THSD7B: variants seen among roughly 807,000 people sequenced by gnomAD.
THSD7B encodes thrombospondin type 1 domain containing 7B, also known as thrombospondin type-1 domain-containing protein 7B.
In THSD7B, 138 loss-of-function variants were observed where a neutral mutation model predicts 213.6. The observed-to-expected ratio is 0.65, with a 90% CI of 0.56 to 0.74. The LOEUF (loss-of-function observed/expected upper bound fraction) is 0.74. Among genes scored for constraint, THSD7B ranks in the 30% least tolerant of loss-of-function variants. THSD7B has a pLI of 0.00. For synonymous variants in THSD7B, 742 were observed against 687.0 expected (o/e 1.08, Z -1.25); for missense variants, 1,931 against 1,991.5 (o/e 0.97, Z 0.58).
chr2:137,434,626 G>A (rs10200550), intron 14 of THSD7B, among the ~76,000 whole-genome samples: 9,595 of 152,264 alleles, frequency 0.063, 963 homozygotes, highest in African/African-American at 0.21. Context: ...GCATGACAAT[G>A]TGGGGATGTA....
intron 2 of THSD7B, among the ~76,000 whole-genome samples, chr2:137,030,106 CGTGCATGA>C (rs1451309634): frequency 4.6e-5 from 7 of 151,746 alleles, no homozygotes; most frequent in Non-Finnish European, 8.8e-5. Flanking sequence ...TGTGTGGGTG[CGTGCATGA>C]GTGCATGAGT....
At chr2:137,448,748 G>A (rs1275716346) in intron 14 of THSD7B, among the ~76,000 whole-genome samples, 3 of 151,946 alleles carry the variant, frequency 2.0e-5, no homozygotes, top group African/African-American at 7.3e-5. Flanking sequence ...GCAGTGAGCC[G>A]AGATTGCGCC....
At chr2:137,066,920 C>T (rs1218407381) in intron 3 of THSD7B, among the ~76,000 whole-genome samples, 1 of 152,062 alleles carries the variant, frequency 6.6e-6, no homozygotes, top group Non-Finnish European at 1.5e-5. Context: ...TTAGAAGTTG[C>T]TATTGACATT....
At chr2:137,256,567 A>G (rs951004448) in intron 10 of THSD7B, among the ~76,000 whole-genome samples, 1 of 152,232 alleles carries the variant, frequency 6.6e-6, no homozygotes, top group Non-Finnish European at 1.5e-5. Context: ...ATATGGGGGA[A>G]TGATAAGAAA....
rs536377110 is a variant in THSD7B at position 137,554,844 on chromosome 2, C to T, written c.3139-8377C>T. Among the ~76,000 whole-genome samples, 15 of 152,258 alleles carry T rather than the reference C, an allele frequency of 9.9e-5. No individual in the cohort carries two copies. The South Asian group carries it at 3.1e-3, about 32-fold the overall frequency. ...AGGCACTTGGAAAATCGGGTCACTC[C>T]CACCTTAATACTGCACTTTTCCAAT... On this transcript the variant is annotated intron_variant, in intron 15 of 27. Coordinates refer to ENST00000409968, the MANE Select transcript of THSD7B (RefSeq NM_001316349.2).
rs1685207273 is a variant in THSD7B at position 136,960,985 on chromosome 2, A to C, written c.139+78668A>C. 2.8e-5 allele frequency among the ~76,000 whole-genome samples: 4 copies of C among 141,144 alleles called. 1 individual carries two copies. In the South Asian group the frequency reaches 1.0e-3, roughly 36 times the overall value. 92.6% of individuals were successfully genotyped at this position (141,144 alleles called of 152,430 possible). Reference sequence around the variant, plus strand: ...GCGCCTGTGGTCCCAGCTACTTGGGAGGCTGAGGTAGAAGAATGGCGTGAA... The same window carrying C: ...GCGCCTGTGGTCCCAGCTACTTGGGCGGCTGAGGTAGAAGAATGGCGTGAA... On this transcript the variant is annotated intron_variant, in intron 2 of 27. Coordinates refer to ENST00000409968, the MANE Select transcript of THSD7B (RefSeq NM_001316349.2).
intron 6 of THSD7B, among the ~76,000 whole-genome samples, chr2:137,167,483 G>T (rs1680160211): frequency 6.6e-6 from 1 of 152,054 alleles, no homozygotes; most frequent in South Asian, 2.1e-4. Flanking sequence ...CATTGCCTGT[G>T]GATAGCTCAT....
chr2:137,550,451 A>T (rs139063633), intron 15 of THSD7B, among the ~76,000 whole-genome samples: 159 of 152,280 alleles, frequency 1.0e-3, no homozygotes, highest in African/African-American at 3.6e-3. Context: ...TATAGGGGGA[A>T]ATATAATATT....
At chr2:137,520,148 GT>G (rs886224164) in intron 15 of THSD7B, among the ~76,000 whole-genome samples, 2 of 152,034 alleles carry the variant, frequency 1.3e-5, no homozygotes, top group African/African-American at 4.8e-5. Flanking sequence ...TTCTGTTTTT[GT>G]TTTTTTCACA....
At chr2:137,339,099 A>AT (rs977464865) in intron 12 of THSD7B, among the ~76,000 whole-genome samples, 6 of 151,930 alleles carry the variant, frequency 3.9e-5, no homozygotes, top group African/African-American at 1.5e-4. Flanking sequence ...GAATAAATAC[A>AT]TTTTTTTCTG....
intron 3 of THSD7B, among the ~76,000 whole-genome samples, chr2:137,059,658 TCACTTTGCAATACGCATTTAAGTTTGTTC>T (rs376170426): frequency 1.4e-3 from 212 of 152,294 alleles, no homozygotes; most frequent in African/African-American, 5.0e-3. Context: ...TTGACTTATT[TCACTTTGCAATACGCATTTAAGTTTGTTC>T]CATGTCTGTT....
At chr2:137,590,329 A>C (rs1681835907) in intron 17 of THSD7B, among the ~76,000 whole-genome samples, 1 of 152,228 alleles carries the variant, frequency 6.6e-6, no homozygotes, top group African/African-American at 2.4e-5. Flanking sequence ...TTTATGAGCT[A>C]GAACCATGGG....
chr2:137,377,049 T>C (rs577916077), intron 12 of THSD7B, among the ~76,000 whole-genome samples: 2 of 152,326 alleles, frequency 1.3e-5, no homozygotes, highest in African/African-American at 2.4e-5. Context: ...TAATCACCAT[T>C]CAATGCTTAC....
chr2:137,540,650 C>T (rs116884736), intron 15 of THSD7B, among the ~76,000 whole-genome samples: 1 of 151,848 alleles, frequency 6.6e-6, no homozygotes, highest in East Asian at 2.0e-4. Context: ...TTTGACCTGA[C>T]TCCAAGCTGG....
chr2:137,128,980 A>AT (rs982362002), intron 5 of THSD7B, among the ~76,000 whole-genome samples: 1 of 152,060 alleles, frequency 6.6e-6, no homozygotes, highest in African/African-American at 2.4e-5. Flanking sequence ...ACTCTAATTG[A>AT]TTTTTTATAG....
chr2:136,781,498 C>G (rs966812800), intron 1 of THSD7B, among the ~76,000 whole-genome samples: 6 of 151,670 alleles, frequency 4.0e-5, no homozygotes, highest in Admixed American at 2.6e-4. Flanking sequence ...TCTTGAACTC[C>G]TGACCTCAGA....
Position 136,959,359 on chromosome 2 carries a change from A to G in THSD7B, c.139+77042A>G, listed in dbSNP as rs74449264. Among the ~76,000 whole-genome samples, 635 of 152,302 alleles carry G rather than the reference A, an allele frequency of 4.2e-3. 7 individuals carry two copies. Among genetic ancestry groups the G allele is most frequent in the African/African-American group, 0.014 (576 of 41,542 alleles). On this transcript the variant is annotated intron_variant, in intron 2 of 27. Transcript: ENST00000409968. Reference sequence around the variant, plus strand: ...AGTAGCTTAGCAGTCATTCACTCCCATTTATAGCATATGTCAAAGTCAGTT... The same window carrying G: ...AGTAGCTTAGCAGTCATTCACTCCCGTTTATAGCATATGTCAAAGTCAGTT...
intron 24 of THSD7B, among the ~76,000 whole-genome samples, chr2:137,657,904 G>C (rs1323691363): frequency 6.6e-6 from 1 of 152,008 alleles, no homozygotes; most frequent in Non-Finnish European, 1.5e-5. Flanking sequence ...GTACAGACAG[G>C]GTTTCACCAT....
intron 12 of THSD7B, among the ~76,000 whole-genome samples, chr2:137,403,788 A>G (rs773538677): frequency 4.6e-5 from 7 of 152,342 alleles, no homozygotes; most frequent in Non-Finnish European, 8.8e-5. Context: ...TTTGCCCCCA[A>G]GGGAACATTT....
Sources: gnomAD v4.1 joint callset for allele counts (sites outside exome capture counted in the v4.1 genomes callset) on GRCh38, gnomAD v4.1.1 for gene constraint, MANE v1.5 for transcripts, NCBI Gene and HGNC (gene_info 2026-07-23, HGNC 2026-07-21) for gene names.